Variants in PDE6H observed in about 807,000 individuals in gnomAD.
PDE6H encodes phosphodiesterase 6H.
Under a neutral mutation model 9.2 loss-of-function variants are expected in PDE6H, and 11 were observed. The observed-to-expected ratio is 1.19, with a 90% confidence interval of 0.75 to 1.97. PDE6H has a LOEUF of 1.97. Among genes scored for constraint, PDE6H ranks in the 30% most tolerant of loss-of-function variants. The pLI is 0.00. For missense variants in PDE6H, 98 were observed against 101.5 expected (o/e 0.97, Z 0.15); for synonymous variants, 36 against 33.6 (o/e 1.07, Z -0.25).
chr12:14,978,111 A>G lies in PDE6H; in HGVS notation c.99A>G (p.Gln33=), dbSNP rs1565472224. Residue 33 remains glutamine, a synonymous_variant, in exon 2 of 4, where the codon CAA becomes CAG. Coordinates refer to ENST00000266395, the MANE Select transcript of PDE6H (RefSeq NM_006205.3). The part of the protein sequence containing the change: ...PPKFKQRQTR[Q]FKSKPPKKGV... ...AGTTCAAGCAGAGGCAGACTCGCCA[A>G]TTCAAGAGTAAACCTCCAAAGAAAG... 3.7e-6 allele frequency: 6 copies of G among 1,613,894 alleles called. No individual in the cohort carries two copies. Among genetic ancestry groups the G allele is most frequent in the Non-Finnish European group, 5.1e-6 (6 of 1,179,980 alleles).
Position 14,981,396 on chromosome 12 carries a change from G to A in PDE6H, c.176-4G>A, listed in dbSNP as rs1168293774. The A allele has an allele frequency of 1.2e-6, 2 of 1,600,612 alleles. No homozygotes were observed. Among genetic ancestry groups the A allele is most frequent in the Non-Finnish European group, 1.7e-6 (2 of 1,167,766 alleles). On this transcript the variant is annotated splice_region_variant and splice_polypyrimidine_tract_variant and intron_variant, in intron 3 of 3. Transcript: ENST00000266395. ...CTTACGTGCTCTTCTTCCATCTCTTGCAGATATCACAGTGATTTGTCCATG... is the reference window on the plus strand; with the variant it reads ...CTTACGTGCTCTTCTTCCATCTCTTACAGATATCACAGTGATTTGTCCATG...
chr12:14,973,377 A>T (rs890137872), intron 1 of PDE6H, among the ~76,000 whole-genome samples: 1 of 152,220 alleles, frequency 6.6e-6, no homozygotes, highest in Non-Finnish European at 1.5e-5. Flanking sequence ...TTGCAGCTTC[A>T]TAGTAAACAG....
At chr12:14,976,666 G>A (rs1421717440) in intron 1 of PDE6H, among the ~76,000 whole-genome samples, 1 of 152,114 alleles carries the variant, frequency 6.6e-6, no homozygotes, top group African/African-American at 2.4e-5. Context: ...CTGCACTACA[G>A]CCTGGCTGAT....
intron 3 of PDE6H, among the ~76,000 whole-genome samples, chr12:14,979,567 A>C (rs749765544): frequency 3.9e-5 from 6 of 152,316 alleles, no homozygotes; most frequent in South Asian, 2.1e-4. Context: ...TGAGACATAC[A>C]GGAATTGGCA....
At chr12:14,980,861 A>G (rs1222665391) in intron 3 of PDE6H, among the ~76,000 whole-genome samples, 1 of 152,246 alleles carries the variant, frequency 6.6e-6, no homozygotes, top group African/African-American at 2.4e-5. Flanking sequence ...GGATAATAAC[A>G]TCTTATTGTC....
At chr12:14,979,268 CTTTTT>C in intron 3 of PDE6H, 49 bp downstream of exon 3, 1 of 1,297,618 alleles carries the variant, frequency 7.7e-7, no homozygotes, top group South Asian at 1.2e-5. Flanking sequence ...GGAGTTCTGC[CTTTTT>C]ATATACTTCA....
At position 14,979,207 on chromosome 12, in the gene PDE6H, G is replaced by C; in HGVS notation, c.163G>C (p.Gly55Arg). 1 of 1,608,764 alleles carries C rather than the reference G, an allele frequency of 6.2e-7. No homozygotes were observed. Among genetic ancestry groups the C allele is most frequent in the Non-Finnish European group, 8.5e-7 (1 of 1,175,208 alleles). Residue 55 changes from glycine (G) to arginine (R), a missense_variant, in exon 3 of 4, where the codon GGG (glycine) becomes CGG (arginine). Coordinates refer to ENST00000266395, the MANE Select transcript of PDE6H (RefSeq NM_006205.3). Reference protein sequence around the residue: ...GFGDDIPGMEGLGTDITVICP... With the variant: ...GFGDDIPGMERLGTDITVICP... ...TGGAGATGACATTCCAGGAATGGAG[G>C]GGCTAGGAACAGGTAAGCCATCCAC...
In PDE6H at chr12:14,981,464, T is replaced by C. The variant is rs376647167; in HGVS notation, c.240T>C (p.Phe80=). The C allele has an allele frequency of 6.2e-7, 1 of 1,612,532 alleles. No homozygotes were observed. The highest frequency in any genetic ancestry group is 1.3e-5 in the African/African-American group (1 of 75,026). ...SHLELHELAQ[F]GII is the part of the protein sequence containing the mutation. ...TGGAATTGCATGAGCTCGCTCAGTTTGGGATTATCTGAAGTGCCAGAGGTT... is the reference window on the plus strand; with the variant it reads ...TGGAATTGCATGAGCTCGCTCAGTTCGGGATTATCTGAAGTGCCAGAGGTT... The change falls in exon 4 of 4, where the codon TTT becomes TTC. Residue 80 remains phenylalanine (F), a synonymous_variant. Coordinates refer to ENST00000266395, the MANE Select transcript of PDE6H (RefSeq NM_006205.3).
At chr12:14,977,931 G>T in intron 1 of PDE6H, 41 bp from the exon 2 acceptor site, 2 of 1,369,504 alleles carry the variant, frequency 1.5e-6, no homozygotes, top group South Asian at 2.4e-5. Context: ...TGGTCCCCAT[G>T]ACTTGAAAGA....
intron 3 of PDE6H, among the ~76,000 whole-genome samples, chr12:14,979,686 C>A (rs1484981916): frequency 6.6e-6 from 1 of 152,202 alleles, no homozygotes; most frequent in Non-Finnish European, 1.5e-5. Flanking sequence ...TCTTTTTACA[C>A]ATCCTCTAGC....
In PDE6H at chr12:14,981,288, G is replaced by C. The variant is rs1864678953; in HGVS notation, c.176-112G>C. On this transcript the variant is annotated intron_variant, in intron 3 of 3. Transcript: ENST00000266395. ...CACGCTAGGGAACTTCCCAGTCAGGGGACAATGAGCAGGAGAGAGGAGTGA... is the reference window on the plus strand; with the variant it reads ...CACGCTAGGGAACTTCCCAGTCAGGCGACAATGAGCAGGAGAGAGGAGTGA... The C allele has an allele frequency of 6.3e-6, 5 of 793,762 alleles. No individual in the cohort carries two copies. The South Asian group carries it at 6.7e-5, about 11-fold the overall frequency. The allele number at this position is 793,762 out of a possible 1,614,324, so 49.2% of individuals were successfully genotyped here. A position where few individuals can be genotyped will look rare whatever the true frequency, so the allele number is the denominator to read the frequency against.
At chr12:14,980,494 A>C (rs1288946671) in intron 3 of PDE6H, among the ~76,000 whole-genome samples, 1 of 152,254 alleles carries the variant, frequency 6.6e-6, no homozygotes, top group Non-Finnish European at 1.5e-5. Flanking sequence ...TTTGATAAAC[A>C]GTAGCACTTG....
intron 3 of PDE6H, among the ~76,000 whole-genome samples, chr12:14,981,020 G>T: frequency 6.6e-6 from 1 of 152,214 alleles, no homozygotes; most frequent in Non-Finnish European, 1.5e-5. Context: ...ACCTAGACCA[G>T]GGAGATTCAA....
chr12:14,978,212 T>G, intron 2 of PDE6H, 66 bp downstream of exon 2: 2 of 1,467,996 alleles, frequency 1.4e-6, no homozygotes, highest in Non-Finnish European at 1.9e-6. Flanking sequence ...GCTTTTGTTT[T>G]GGGAAATTGG....
At position 14,981,131 on chromosome 12, in the gene PDE6H, G is replaced by T. The variant is rs79588890; in HGVS notation, c.176-269G>T. On this transcript the variant is annotated intron_variant, in intron 3 of 3. Transcript: ENST00000266395. Reference sequence around the variant, plus strand: ...TGGGGAGACTCTGTGTAATCAGTGGGCTGTACCCCACAGGGAACCCCCCAG... The same window carrying T: ...TGGGGAGACTCTGTGTAATCAGTGGTCTGTACCCCACAGGGAACCCCCCAG... Among the ~76,000 whole-genome samples, 13 of 152,270 alleles carry T rather than the reference G, an allele frequency of 8.5e-5. No individual in the cohort carries two copies. In the East Asian group the frequency reaches 2.5e-3, roughly 29 times the overall value.
intron 1 of PDE6H, among the ~76,000 whole-genome samples, chr12:14,974,472 G>A (rs911722901): frequency 5.9e-5 from 9 of 152,222 alleles, no homozygotes; most frequent in African/African-American, 2.2e-4. Context: ...CAACTGTTAT[G>A]TAACTCTTTC....
At chr12:14,981,288 G>A in intron 3 of PDE6H, 112 bp from the exon 4 acceptor site, 1 of 793,762 alleles carries the variant, frequency 1.3e-6, no homozygotes, top group African/African-American at 1.7e-5. Flanking sequence ...CCCAGTCAGG[G>A]GACAATGAGC....
At chr12:14,979,371 C>T (rs775930100) in intron 3 of PDE6H, 152 bp downstream of exon 3, 39 of 685,834 alleles carry the variant, frequency 5.7e-5, no homozygotes, top group Middle Eastern at 2.9e-4. Context: ...AATTTACCCT[C>T]GAAATAAGTA....
chr12:14,981,806 GACA>G lies in PDE6H; in HGVS notation c.*334_*336del, dbSNP rs1864689246. The G allele has an allele frequency of 2.5e-6, 1 of 400,030 alleles. No individual in the cohort carries two copies. The highest frequency in any genetic ancestry group is 4.7e-6 in the Non-Finnish European group (1 of 214,796). 24.8% of individuals were successfully genotyped at this position (400,030 alleles called of 1,614,324 possible). A position where few individuals can be genotyped will look rare whatever the true frequency, so the allele number is the denominator to read the frequency against. ...ATTATGATTAATAGTAGACTTTTAA[GACA>G]ACATTTATGTCACTCCCCACCTCCT... On this transcript the variant is annotated 3_prime_UTR_variant, in exon 4 of 4. Coordinates refer to ENST00000266395, the MANE Select transcript of PDE6H (RefSeq NM_006205.3).
Sources: gnomAD v4.1 joint callset for allele counts (sites outside exome capture counted in the v4.1 genomes callset) on GRCh38, gnomAD v4.1.1 for gene constraint, MANE v1.5 for transcripts, NCBI Gene and HGNC (gene_info 2026-07-23, HGNC 2026-07-21) for gene names.